Variants in CASP10 observed in about 807,000 individuals in gnomAD.
CASP10 encodes the protein caspase-10.
CASP10 carries 41 observed loss-of-function variants against 48.5 expected under a neutral mutation model. The ratio of observed to expected loss-of-function variants is 0.85; its 90% confidence interval spans 0.66 to 1.10. CASP10 has a LOEUF of 1.10. Ranked by LOEUF, CASP10 falls within the 50% of genes least tolerant of loss-of-function variation. The pLI is 0.00. For missense variants in CASP10, 614 were observed against 614.5 expected (o/e 1.00, Z 0.01); for synonymous variants, 232 against 238.4 (o/e 0.97, Z 0.25).
Position 201,196,963 on chromosome 2 carries a change from C to G in CASP10, c.684+1015C>G, listed in dbSNP as rs1576092790. Among the ~76,000 whole-genome samples the G allele has an allele frequency of 2.0e-5, 3 of 152,074 alleles. No homozygotes were observed. The East Asian group carries it at 5.8e-4, about 29-fold the overall frequency. Reference sequence around the variant, plus strand: ...GTTCGTTTGTGACTAGCTTATTTCACTTAGTGTAAAGTCTTCAGGGTTCAT... The same window carrying G: ...GTTCGTTTGTGACTAGCTTATTTCAGTTAGTGTAAAGTCTTCAGGGTTCAT... On this transcript the variant is annotated intron_variant, in intron 5 of 9. Transcript: ENST00000286186.
chr2:201,190,653 C>A (rs566887792), intron 3 of CASP10, among the ~76,000 whole-genome samples: 3 of 152,026 alleles, frequency 2.0e-5, no homozygotes, highest in Non-Finnish European at 4.4e-5. Flanking sequence ...TTGTTATACC[C>A]CGTCCTATGT....
At chr2:201,212,283 T>G (rs373732354) in intron 9 of CASP10, 1 of 152,118 alleles carries the variant, frequency 6.6e-6, no homozygotes, top group Admixed American at 6.6e-5. Context: ...TCCGTGATGA[T>G]TAGTGATGTT....
At chr2:201,208,962 G>A (rs1301337921) in intron 8 of CASP10, 108 bp from the exon 9 acceptor site, 1 of 1,227,932 alleles carries the variant, frequency 8.1e-7, no homozygotes, top group Non-Finnish European at 1.1e-6. Context: ...ATAGGTGTGA[G>A]CCACTGTGCC....
chr2:201,188,848 G>A (rs1238484974), intron 3 of CASP10, among the ~76,000 whole-genome samples: 1 of 151,546 alleles, frequency 6.6e-6, no homozygotes, highest in East Asian at 1.9e-4. Context: ...AATTTTGAGG[G>A]GTTGCAAAAA....
exon 10 of CASP10, chr2:201,229,097 C>T: frequency 1.2e-6 from 2 of 1,613,870 alleles, no homozygotes; most frequent in Non-Finnish European, 1.7e-6. Flanking sequence ...TTTCCAGAGG[C>T]TTCCTTCTGC....
chr2:201,213,738 A>G (rs922569520), intron 9 of CASP10: 6 of 152,222 alleles, frequency 3.9e-5, no homozygotes, highest in Admixed American at 1.3e-4. Flanking sequence ...TGCACTGGTA[A>G]AACTTCAGGG....
Position 201,202,146 on chromosome 2 carries a change from C to T in CASP10, c.685-1584C>T, listed in dbSNP as rs147736376. The stretch of plus-strand genomic sequence containing the variant: ...GATTACAGGCGTGAGCCACCGTACC[C>T]GGCCAAATCGATTTTTTTGAGTGTG... On this transcript the variant is annotated intron_variant, in intron 5 of 9. Transcript: ENST00000286186. Among the ~76,000 whole-genome samples, 264 of 152,290 alleles carry T rather than the reference C, an allele frequency of 1.7e-3. 1 individual carries two copies. The East Asian group carries it at 0.02, about 12-fold the overall frequency.
chr2:201,229,138 C>T, exon 10 of CASP10: 2 of 1,609,202 alleles, frequency 1.2e-6, no homozygotes, highest in Non-Finnish European at 1.7e-6. Flanking sequence ...CTGAGATTGA[C>T]AACGCCCTAC....
intron 5 of CASP10, among the ~76,000 whole-genome samples, chr2:201,198,448 C>T (rs1944883781): frequency 6.6e-6 from 1 of 151,628 alleles, no homozygotes; most frequent in South Asian, 2.1e-4. Context: ...TGATCTCGAA[C>T]TCCTGACCTC....
downstream of CASP10, among the ~76,000 whole-genome samples, chr2:201,226,087 T>TC (rs1945784672): frequency 6.6e-6 from 1 of 152,126 alleles, no homozygotes; most frequent in Non-Finnish European, 1.5e-5. Flanking sequence ...CTTCTATAAA[T>TC]CCATAAAATA....
intron 3 of CASP10, among the ~76,000 whole-genome samples, chr2:201,189,881 C>A (rs1944546823): frequency 6.6e-6 from 1 of 152,094 alleles, no homozygotes; most frequent in Non-Finnish European, 1.5e-5. Flanking sequence ...CACCTGTAGT[C>A]CCAGCTCCTC....
chr2:201,193,076 A>G lies in CASP10; in HGVS notation c.534A>G (p.Val178=), dbSNP rs146233833. 6.1e-5 allele frequency: 98 copies of G among 1,613,864 alleles called. No homozygotes were observed. The highest frequency in any genetic ancestry group is 3.3e-4 in the Middle Eastern group (2 of 6,082). The change falls in exon 4 of 10, where the codon GTA becomes GTG. Residue 178 remains valine (V), a synonymous_variant. Transcript: ENST00000286186. ...TCLEDLCKTV[V]PKLLRNIEKY... ...TGGAGGACCTCTGCAAAACAGTTGTACCTAAACTTTTGAGAAACATAGAGA... is the reference window on the plus strand; with the variant it reads ...TGGAGGACCTCTGCAAAACAGTTGTGCCTAAACTTTTGAGAAACATAGAGA...
chr2:201,229,251 T>C, exon 10 of CASP10: 1 of 713,840 alleles, frequency 1.4e-6, no homozygotes, highest in Admixed American at 2.5e-5. Context: ...CTGTTTCACG[T>C]GTACCTGTGT....
In CASP10 at chr2:201,205,913, G is replaced by T; in HGVS notation, c.753G>T (p.Leu251=). Residue 251 remains leucine, a synonymous_variant, in exon 7 of 10, where the codon CTG becomes CTT. Coordinates refer to ENST00000286186, the MANE Select transcript of CASP10 (RefSeq NM_032977.4). The part of the protein sequence containing the change: ...GNRATNGAPS[L]VSRGMQGASA... ...GAGCCACAAATGGTGCACCAAGCCT[G>T]GTCTCCAGGGGGATGCAAGGAGCAT... 1.9e-6 allele frequency: 3 copies of T among 1,612,900 alleles called. No homozygotes were observed. Among genetic ancestry groups the T allele is most frequent in the Non-Finnish European group, 2.5e-6 (3 of 1,178,948 alleles).
chr2:201,188,566 T>C (rs2126009784), intron 3 of CASP10, among the ~76,000 whole-genome samples: 1 of 152,344 alleles, frequency 6.6e-6, no homozygotes, highest in South Asian at 2.1e-4. Flanking sequence ...TCTTAAAATG[T>C]ATCTGTTGAA....
Position 201,209,276 on chromosome 2 carries a change from A to T in CASP10, c.1129A>T (p.Ile377Phe). 1 of 1,614,062 alleles carries T rather than the reference A, an allele frequency of 6.2e-7. No individual in the cohort carries two copies. The highest frequency in any genetic ancestry group is 8.5e-7 in the Non-Finnish European group (1 of 1,180,016). ...TGAGGCCCTCATTCCCATTCGGGAG[A>T]TCATGTCTCACTTCACAGCCCTGCA... ...SDEALIPIRE[I>F]MSHFTALQCP... Residue 377 changes from isoleucine (I) to phenylalanine (F), a missense_variant, in exon 9 of 10, where the codon ATC becomes TTC. Ile to Phe is a conservative substitution (Grantham distance 21). Transcript: ENST00000286186.
At position 201,208,061 on chromosome 2, in the gene CASP10, A is replaced by T; in HGVS notation, c.814-14A>T. On this transcript the variant is annotated splice_polypyrimidine_tract_variant and intron_variant, in intron 7 of 9. Coordinates refer to ENST00000286186, the MANE Select transcript of CASP10 (RefSeq NM_032977.4). ...ATAAGGATTCCTACTAAGTGGCTCT[A>T]TCTATTCTTCAAGAGGGCAGCTGTG... 1 of 1,593,508 alleles carries T rather than the reference A, an allele frequency of 6.3e-7. No homozygotes were observed.
chr2:201,196,048 G>C (rs1158122586), intron 5 of CASP10, 100 bp downstream of exon 5: 2 of 779,354 alleles, frequency 2.6e-6, no homozygotes, highest in Non-Finnish European at 4.5e-6. Context: ...AGAGGCCCCG[G>C]TTTGTACCAT....
Position 201,200,617 on chromosome 2 carries a change from C to A in CASP10, c.685-3113C>A, listed in dbSNP as rs546918340. 73 of 1,474,512 alleles carry A rather than the reference C, an allele frequency of 5.0e-5. No homozygotes were observed. In the African/African-American group the frequency reaches 7.6e-4, roughly 15 times the overall value. 91.3% of individuals were successfully genotyped at this position (1,474,512 alleles called of 1,614,324 possible). On this transcript the variant is annotated intron_variant, in intron 5 of 9. Transcript: ENST00000286186. Reference sequence around the variant, plus strand: ...CTTCGGCTCTGCCCTGAACCTCATTCGGCAGGTGGAGGTATTTAGGCATTT... The same window carrying A: ...CTTCGGCTCTGCCCTGAACCTCATTAGGCAGGTGGAGGTATTTAGGCATTT...
Sources: gnomAD v4.1 joint callset for allele counts (sites outside exome capture counted in the v4.1 genomes callset) on GRCh38, gnomAD v4.1.1 for gene constraint, MANE v1.5 for transcripts, NCBI Gene and HGNC (gene_info 2026-07-23, HGNC 2026-07-21) for gene names.